The following MMP16 variants were observed in gnomAD, a reference collection of about 807,000 sequenced individuals.
The protein encoded by MMP16 is matrix metalloproteinase-16.
Under a neutral mutation model 67.8 loss-of-function variants are expected in MMP16, and 12 were observed. The ratio of observed to expected loss-of-function variants is 0.18; its 90% confidence interval spans 0.11 to 0.29. The LOEUF (loss-of-function observed/expected upper bound fraction) is 0.29. Ranked by LOEUF, MMP16 falls within the 10% of genes least tolerant of loss-of-function variation. The probability of loss-of-function intolerance (pLI) is 1.00; values close to 1 mark genes in which losing one functional copy is unlikely to be tolerated. For synonymous variants in MMP16, 249 were observed against 255.9 expected (o/e 0.97, Z 0.26); for missense variants, 475 against 765.7 (o/e 0.62, Z 4.48).
At chr8:88,154,824 A>G (rs530781943) in intron 4 of MMP16, among the ~76,000 whole-genome samples, 2 of 150,740 alleles carry the variant, frequency 1.3e-5, no homozygotes, top group African/African-American at 4.9e-5. Flanking sequence ...ATATGTAACT[A>G]ACCTGCACAA....
At chr8:88,083,564 G>C (rs1179892821) in intron 6 of MMP16, among the ~76,000 whole-genome samples, 2 of 152,090 alleles carry the variant, frequency 1.3e-5, no homozygotes, top group South Asian at 2.1e-4. Flanking sequence ...AAGAGTTCGA[G>C]AGTAGTAATC....
chr8:88,225,071 T>C (rs946310495), intron 1 of MMP16, among the ~76,000 whole-genome samples: 10 of 151,948 alleles, frequency 6.6e-5, no homozygotes, highest in Admixed American at 5.9e-4. Flanking sequence ...GTTTAAATAT[T>C]TGAAATACTT....
At chr8:88,054,974 G>A (rs1358265817) in intron 8 of MMP16, among the ~76,000 whole-genome samples, 3 of 152,034 alleles carry the variant, frequency 2.0e-5, no homozygotes, top group Non-Finnish European at 4.4e-5. Context: ...ATAAATGGAA[G>A]TATAATGGCA....
intron 4 of MMP16, among the ~76,000 whole-genome samples, chr8:88,136,109 AC>A (rs1182364317): frequency 1.3e-5 from 2 of 151,918 alleles, no homozygotes; most frequent in Non-Finnish European, 2.9e-5. Context: ...TGAGTAGCCT[AC>A]TGGGAAGTTA....
chr8:88,319,876 A>C (rs1043781074), intron 1 of MMP16, among the ~76,000 whole-genome samples: 5 of 152,194 alleles, frequency 3.3e-5, no homozygotes, highest in African/African-American at 9.7e-5. Context: ...TCTAAGGACT[A>C]TCTCTCTTGA....
intron 6 of MMP16, among the ~76,000 whole-genome samples, chr8:88,096,920 T>C (rs903197623): frequency 3.3e-5 from 5 of 151,968 alleles, no homozygotes; most frequent in Admixed American, 3.3e-4. Flanking sequence ...ATATATCCTG[T>C]AGACAGATTT....
Position 88,105,190 on chromosome 8 carries a change from A to G in MMP16, c.1083+11317T>C, listed in dbSNP as rs1005554551. On this transcript the variant is annotated intron_variant, in intron 6 of 9. Transcript: ENST00000286614. ...TACCTTAGCTATCATTAGGCAACTC[A>G]TGACTATTGTTATTTGCTATACCAC... 2.0e-5 allele frequency among the ~76,000 whole-genome samples: 3 copies of G among 147,884 alleles called. No individual in the cohort carries two copies. The Admixed American group carries it at 2.0e-4, about 10-fold the overall frequency.
intron 4 of MMP16, among the ~76,000 whole-genome samples, chr8:88,148,958 T>C (rs148521981): frequency 2.0e-5 from 3 of 152,144 alleles, no homozygotes; most frequent in Non-Finnish European, 2.9e-5. Flanking sequence ...ACCGGGTTCA[T>C]CTCATTAGGG....
chr8:88,070,567 T>C lies in MMP16; in HGVS notation c.1222+4038A>G, dbSNP rs1468380263. On this transcript the variant is annotated intron_variant, in intron 7 of 9. Coordinates refer to ENST00000286614, the MANE Select transcript of MMP16 (RefSeq NM_005941.5). ...GTATGGGGGTCCATCTGCTCATCTC[T>C]GGGCCATCTTGTGTAGCTCTCTCCT... Among the ~76,000 whole-genome samples, 3 of 152,126 alleles carry C rather than the reference T, an allele frequency of 2.0e-5. 1 individual carries two copies. The highest frequency in any genetic ancestry group is 2.0e-4 in the Admixed American group (3 of 15,254).
At chr8:88,088,482 G>T (rs1297959302) in intron 6 of MMP16, among the ~76,000 whole-genome samples, 2 of 151,992 alleles carry the variant, frequency 1.3e-5, no homozygotes, top group African/African-American at 4.8e-5. Context: ...TGAGAGATTT[G>T]CTCCTAAGAG....
intron 1 of MMP16, among the ~76,000 whole-genome samples, chr8:88,203,744 A>G (rs1809380840): frequency 6.6e-6 from 1 of 152,192 alleles, no homozygotes; most frequent in Non-Finnish European, 1.5e-5. Flanking sequence ...TGCTATATAG[A>G]TGTTTGCTGG....
At chr8:88,269,386 C>G (rs1434673342) in intron 1 of MMP16, among the ~76,000 whole-genome samples, 1 of 151,980 alleles carries the variant, frequency 6.6e-6, no homozygotes, top group Non-Finnish European at 1.5e-5. Flanking sequence ...ACAGGGCAAC[C>G]AAGATAATAT....
Position 88,074,615 on chromosome 8 carries a change from C to T in MMP16, c.1212G>A (p.Val404=). 2 of 1,613,054 alleles carry T rather than the reference C, an allele frequency of 1.2e-6. No homozygotes were observed. Among genetic ancestry groups the T allele is most frequent in the Non-Finnish European group, 1.7e-6 (2 of 1,179,492 alleles). ...AVYENSDGNF[V]FFKGNKYWVF... is the part of the protein sequence containing the mutation. ...GGAAAACATCCTTACCTTTAAAGAA[C>T]ACAAAATTCCCGTCGCTATTTTCAT... is the stretch of plus-strand genomic sequence containing the variant. The change falls in exon 7 of 10, where the codon GTG becomes GTA. Residue 404 remains valine (V), a synonymous_variant. Coordinates refer to ENST00000286614, the MANE Select transcript of MMP16 (RefSeq NM_005941.5).
intron 9 of MMP16, among the ~76,000 whole-genome samples, chr8:88,045,682 T>C (rs1304852339): frequency 1.3e-5 from 2 of 152,144 alleles, no homozygotes; most frequent in African/African-American, 2.4e-5. Flanking sequence ...GCAATACACT[T>C]AAGGTCAATC....
At chr8:88,207,394 C>A (rs1194950542) in intron 1 of MMP16, among the ~76,000 whole-genome samples, 1 of 151,550 alleles carries the variant, frequency 6.6e-6, no homozygotes, top group Non-Finnish European at 1.5e-5. Context: ...TGCAAATCAT[C>A]TCTCTGTGAG....
chr8:88,128,956 G>C (rs574705243), intron 4 of MMP16, among the ~76,000 whole-genome samples: 8 of 151,858 alleles, frequency 5.3e-5, no homozygotes, highest in Non-Finnish European at 8.8e-5. Context: ...AGCTCTTGAG[G>C]ACTAGAATAG....
intron 6 of MMP16, among the ~76,000 whole-genome samples, chr8:88,111,814 A>C (rs114154735): frequency 1.8e-3 from 277 of 151,872 alleles, no homozygotes; most frequent in African/African-American, 6.3e-3. Flanking sequence ...TGGCAAATGA[A>C]ATTGAGCCAT....
chr8:88,238,375 C>G (rs1809978460), intron 1 of MMP16, among the ~76,000 whole-genome samples: 1 of 151,936 alleles, frequency 6.6e-6, no homozygotes, highest in South Asian at 2.1e-4. Context: ...TAGCCGGGTG[C>G]AGCCGGGCCC....
In MMP16 at chr8:88,036,890, C is replaced by G. The variant is rs746896858; in HGVS notation, c.*4571G>C. 2.0e-5 allele frequency: 3 copies of G among 151,576 alleles called. No homozygotes were observed. The highest frequency in any genetic ancestry group is 4.4e-5 in the Non-Finnish European group (3 of 67,734). 9.4% of individuals were successfully genotyped at this position (151,576 alleles called of 1,614,324 possible). ...ATCCAGAAGATTGTTTCAGTATATA[C>G]TACAATCTCACAGACTCAATACTAC... On this transcript the variant is annotated 3_prime_UTR_variant, in exon 10 of 10. Coordinates refer to ENST00000286614, the MANE Select transcript of MMP16 (RefSeq NM_005941.5).
Sources: gnomAD v4.1 joint callset for allele counts (sites outside exome capture counted in the v4.1 genomes callset) on GRCh38, gnomAD v4.1.1 for gene constraint, MANE v1.5 for transcripts, NCBI Gene and HGNC (gene_info 2026-07-23, HGNC 2026-07-21) for gene names.